Variants in TLL2 observed in about 807,000 individuals in gnomAD.
TLL2 encodes the protein tolloid like 2, also known as tolloid-like protein 2.
TLL2 carries 106 observed loss-of-function variants against 123.0 expected under a neutral mutation model. The observed-to-expected ratio is 0.86, with a 90% confidence interval of 0.74 to 1.01. The LOEUF is 1.01. Ranked by LOEUF, TLL2 falls within the 50% of genes least tolerant of loss-of-function variation. The probability of loss-of-function intolerance (pLI) is 0.00; values close to 1 mark genes in which losing one functional copy is unlikely to be tolerated. For missense variants in TLL2, 1,332 were observed against 1,336.7 expected (o/e 1.00, Z 0.06); for synonymous variants, 494 against 516.8 (o/e 0.96, Z 0.60).
At chr10:96,472,400 G>T (rs1847192326) in intron 2 of TLL2, among the ~76,000 whole-genome samples, 1 of 152,154 alleles carries the variant, frequency 6.6e-6, no homozygotes. Context: ...TGTCTACAAA[G>T]CTTGGGGAAT....
chr10:96,372,550 A>C (rs1444967766), intron 19 of TLL2, among the ~76,000 whole-genome samples: 2 of 152,236 alleles, frequency 1.3e-5, no homozygotes, highest in Non-Finnish European at 2.9e-5. Flanking sequence ...AGATAATATA[A>C]GTTATAAGCA....
At chr10:96,506,658 T>C (rs1303377974) in intron 1 of TLL2, among the ~76,000 whole-genome samples, 2 of 151,610 alleles carry the variant, frequency 1.3e-5, no homozygotes, top group African/African-American at 4.8e-5. Flanking sequence ...CCAGGTGCAC[T>C]GCATATCTGG....
At position 96,434,793 on chromosome 10, in the gene TLL2, C is replaced by T. The variant is rs184598854; in HGVS notation, c.365-1831G>A. On this transcript the variant is annotated intron_variant, in intron 3 of 20. Transcript: ENST00000357947. Reference sequence around the variant, plus strand: ...TTTTCAAAACAGTGGCACCATTTTACATTCTCACCAGAAATACACCAGGGT... The same window carrying T: ...TTTTCAAAACAGTGGCACCATTTTATATTCTCACCAGAAATACACCAGGGT... Among the ~76,000 whole-genome samples, 29 of 152,300 alleles carry T rather than the reference C, an allele frequency of 1.9e-4. 1 individual carries two copies. In the East Asian group the frequency reaches 5.4e-3, roughly 28 times the overall value.
chr10:96,445,424 A>G (rs1846889129), intron 3 of TLL2, among the ~76,000 whole-genome samples: 1 of 152,162 alleles, frequency 6.6e-6, no homozygotes, highest in East Asian at 1.9e-4. Context: ...GCATCTGCAT[A>G]TAGACAGGCA....
chr10:96,405,157 G>T, intron 10 of TLL2, 75 bp downstream of exon 10: 1 of 1,384,558 alleles, frequency 7.2e-7, no homozygotes, highest in South Asian at 1.2e-5. Flanking sequence ...TGTCAAGGTG[G>T]ACCTTCCAGA....
chr10:96,440,343 AAGGG>A (rs1846839378), intron 3 of TLL2, among the ~76,000 whole-genome samples: 1 of 152,226 alleles, frequency 6.6e-6, no homozygotes, highest in African/African-American at 2.4e-5. Flanking sequence ...TGAATTAAAG[AAGGG>A]ATGAGCTATT....
chr10:96,413,061 C>A, intron 8 of TLL2, 131 bp downstream of exon 8: 1 of 1,336,766 alleles, frequency 7.5e-7, no homozygotes, highest in Admixed American at 2.5e-5. Context: ...GCACCTCCTA[C>A]CAGAAGGACA....
At chr10:96,512,448 C>G (rs1000936419) in intron 1 of TLL2, among the ~76,000 whole-genome samples, 2 of 152,264 alleles carry the variant, frequency 1.3e-5, no homozygotes, top group African/African-American at 4.8e-5. Flanking sequence ...GGCCCACAGG[C>G]CCCGCAGAGA....
chr10:96,493,130 A>G (rs1847432349), intron 1 of TLL2, among the ~76,000 whole-genome samples: 2 of 152,312 alleles, frequency 1.3e-5, no homozygotes, highest in South Asian at 2.1e-4. Context: ...TCTAGCCCTC[A>G]GGACAGCAAA....
Position 96,384,669 on chromosome 10 carries a change from G to A in TLL2, c.2112C>T (p.Thr704=). ...FCGSETPEVI[T]SQSNNMRVEF... is the part of the protein sequence containing the mutation. ...CCACGCGCATGTTGTTGCTCTGCGA[G>A]GTGATGACCTCCGGCGTCTCAGAGC... The change falls in exon 16 of 21, where the codon ACC becomes ACT. Residue 704 remains threonine, a synonymous_variant. Transcript: ENST00000357947. 6.2e-7 allele frequency: 1 copy of A among 1,613,168 alleles called. No individual in the cohort carries two copies. The highest frequency in any genetic ancestry group is 8.5e-7 in the Non-Finnish European group (1 of 1,179,442).
At chr10:96,489,619 A>G (rs978272680) in intron 1 of TLL2, among the ~76,000 whole-genome samples, 7 of 152,174 alleles carry the variant, frequency 4.6e-5, no homozygotes, top group Admixed American at 4.6e-4. Flanking sequence ...GGGCACTGAA[A>G]TGTGATTATA....
chr10:96,396,404 C>T (rs374013757), intron 11 of TLL2, among the ~76,000 whole-genome samples: 2 of 152,062 alleles, frequency 1.3e-5, no homozygotes, highest in Non-Finnish European at 2.9e-5. Context: ...AGTACAGGAC[C>T]GCTGGTAGGA....
intron 13 of TLL2, 79 bp downstream of exon 13, chr10:96,395,108 A>G (rs1312710807): frequency 2.8e-6 from 4 of 1,421,726 alleles, no homozygotes; most frequent in Non-Finnish European, 3.8e-6. Context: ...AAGCTTCCAT[A>G]TGGTTTTGTG....
intron 1 of TLL2, among the ~76,000 whole-genome samples, chr10:96,502,912 G>A (rs949583025): frequency 6.6e-5 from 10 of 152,256 alleles, no homozygotes; most frequent in South Asian, 2.1e-4. Context: ...GTGCTCATGC[G>A]GGCGAGCTTG....
chr10:96,455,736 A>G (rs968046883), intron 2 of TLL2, among the ~76,000 whole-genome samples: 14 of 152,254 alleles, frequency 9.2e-5, no homozygotes, highest in Admixed American at 9.2e-4. Context: ...AGAAATAATC[A>G]TAAGAATGGG....
At chr10:96,477,978 C>G (rs370149219) in intron 2 of TLL2, among the ~76,000 whole-genome samples, 86 of 152,204 alleles carry the variant, frequency 5.7e-4, no homozygotes, top group African/African-American at 2.0e-3. Flanking sequence ...GCTCTGTGCT[C>G]TATCAGCTCT....
At chr10:96,488,993 G>A (rs934382328) in intron 1 of TLL2, among the ~76,000 whole-genome samples, 4 of 152,240 alleles carry the variant, frequency 2.6e-5, no homozygotes, top group Non-Finnish European at 5.9e-5. Flanking sequence ...TGTCTTCAGA[G>A]AGAAGAGCAG....
intron 16 of TLL2, among the ~76,000 whole-genome samples, chr10:96,380,791 G>A (rs1300999976): frequency 1.3e-5 from 2 of 149,918 alleles, no homozygotes; most frequent in Non-Finnish European, 3.0e-5. Context: ...AGGCCGAGGC[G>A]GGTGGATCAC....
In TLL2 at chr10:96,411,013, G is replaced by C. The variant is rs191883496; in HGVS notation, c.1049-539C>G. Among the ~76,000 whole-genome samples the C allele has an allele frequency of 2.6e-5, 4 of 152,168 alleles. No homozygotes were observed. In the South Asian group the frequency reaches 8.3e-4, roughly 32 times the overall value. ...TCTCAGCACTTTGGGAGGCCAAGGC[G>C]GGTGGGTCATTTGAGGTCAGGAGTT... On this transcript the variant is annotated intron_variant, in intron 8 of 20. Coordinates refer to ENST00000357947, the MANE Select transcript of TLL2 (RefSeq NM_012465.4).
Sources: allele counts gnomAD v4.1 joint callset (sites outside exome capture counted in the v4.1 genomes callset), GRCh38; gene constraint gnomAD v4.1.1; transcripts MANE v1.5; gene names NCBI Gene and HGNC (gene_info 2026-07-23, HGNC 2026-07-21).